Variants in SNAPC1 observed in about 807,000 individuals in gnomAD.
The protein encoded by SNAPC1 is small nuclear RNA activating complex polypeptide 1.
SNAPC1 carries 42 observed loss-of-function variants against 50.1 expected under a neutral mutation model. The observed-to-expected ratio is 0.84, with a 90% CI of 0.65 to 1.08. The LOEUF is 1.08. Ranked by LOEUF, SNAPC1 falls within the 50% of genes least tolerant of loss-of-function variation. The pLI, the probability that SNAPC1 is intolerant of heterozygous loss-of-function variation, is 0.00. For missense variants in SNAPC1, 477 were observed against 427.3 expected (o/e 1.12, Z -1.02); for synonymous variants, 164 against 144.2 (o/e 1.14, Z -0.98).
chr14:61,769,260 A>G (rs2044970454), intron 4 of SNAPC1, among the ~76,000 whole-genome samples: 1 of 151,626 alleles, frequency 6.6e-6, no homozygotes, highest in African/African-American at 2.4e-5. Context: ...GGGGAGGCTG[A>G]GGCTGGAGAA....
At chr14:61,789,585 T>G (rs1451046716) in intron 8 of SNAPC1, among the ~76,000 whole-genome samples, 1 of 152,030 alleles carries the variant, frequency 6.6e-6, no homozygotes, top group African/African-American at 2.4e-5. Flanking sequence ...GTAAACATAA[T>G]TTCATAGACT....
rs532538508 is a variant in SNAPC1 at position 61,793,160 on chromosome 14, C to T, written c.1072+258C>T. ...CTTTGTAGAGATGTCTCTGTCAGAC[C>T]TCTGACCTGCTTTCATCTGGACAGT... On this transcript the variant is annotated intron_variant, in intron 9 of 9. Coordinates refer to ENST00000216294, the MANE Select transcript of SNAPC1 (RefSeq NM_003082.4). Among the ~76,000 whole-genome samples the T allele has an allele frequency of 1.5e-4, 23 of 152,294 alleles. No individual in the cohort carries two copies. In the East Asian group the frequency reaches 4.4e-3, roughly 29 times the overall value.
rs371774333 is a variant in SNAPC1 at position 61,767,149 on chromosome 14, TTATAA to T, written c.289-59_289-55del. 300 of 1,231,408 alleles carry T rather than the reference TTATAA, an allele frequency of 2.4e-4. 1 individual carries two copies. In the African/African-American group the frequency reaches 3.2e-3, roughly 13 times the overall value. 76.3% of individuals were successfully genotyped at this position (1,231,408 alleles called of 1,614,324 possible). On this transcript the variant is annotated intron_variant, in intron 2 of 9. Coordinates refer to ENST00000216294, the MANE Select transcript of SNAPC1 (RefSeq NM_003082.4). Reference sequence around the variant, plus strand: ...TAAATAAAATGCCAGTATTTTAAAATTATAATATGTTTGTGAAAAAATATTTACAT... The same window carrying T: ...TAAATAAAATGCCAGTATTTTAAAATTATGTTTGTGAAAAAATATTTACAT...
intron 4 of SNAPC1, among the ~76,000 whole-genome samples, chr14:61,775,230 G>A (rs1447225308): frequency 1.3e-5 from 2 of 151,916 alleles, no homozygotes; most frequent in Non-Finnish European, 2.9e-5. Flanking sequence ...CACAAATGGT[G>A]TCATAAATCA....
chr14:61,765,382 T>C (rs2044939469), intron 1 of SNAPC1, among the ~76,000 whole-genome samples: 1 of 152,188 alleles, frequency 6.6e-6, no homozygotes, highest in African/African-American at 2.4e-5. Flanking sequence ...CGTGTTGACA[T>C]GCGCCCAAGG....
chr14:61,767,242 G>C lies in SNAPC1; in HGVS notation c.319G>C (p.Val107Leu). ...AGTTGCCCTGAAGGATTGGGATGAAGTTTTAAAATTTCAGCAAGATTTAGT... is the reference window on the plus strand; with the variant it reads ...AGTTGCCCTGAAGGATTGGGATGAACTTTTAAAATTTCAGCAAGATTTAGT... Reference protein sequence around the residue: ...IRVALKDWDEVLKFQQDLVNA... With the variant: ...IRVALKDWDELLKFQQDLVNA... The change falls in exon 3 of 10, where the codon GTT (valine) becomes CTT (leucine). Residue 107 changes from valine (V) to leucine (L), a missense_variant. Val to Leu is a conservative substitution (Grantham distance 32). Coordinates refer to ENST00000216294, the MANE Select transcript of SNAPC1 (RefSeq NM_003082.4). The C allele has an allele frequency of 6.6e-7, 1 of 1,512,746 alleles. No homozygotes were observed. Among genetic ancestry groups the C allele is most frequent in the Non-Finnish European group, 8.9e-7 (1 of 1,129,410 alleles). The allele number at this position is 1,512,746 out of a possible 1,614,324, so 93.7% of individuals were successfully genotyped here.
rs2044952653 is a variant in SNAPC1 at position 61,766,958 on chromosome 14, A to G, written c.211A>G (p.Thr71Ala). Reference sequence around the variant, plus strand: ...TTGGCGATATTTTTTACCTCCATACACCTTCCAGATCAGAGTTGGTGCTTT... The same window carrying G: ...TTGGCGATATTTTTTACCTCCATACGCCTTCCAGATCAGAGTTGGTGCTTT... ...LAWRYFLPPY[T>A]FQIRVGALYL... Residue 71 changes from threonine to alanine, a missense_variant, in exon 2 of 10, where the codon ACC becomes GCC. Transcript: ENST00000216294. 5 of 1,610,116 alleles carry G rather than the reference A, an allele frequency of 3.1e-6. No individual in the cohort carries two copies. Among genetic ancestry groups the G allele is most frequent in the Middle Eastern group, 3.3e-4 (2 of 6,050 alleles).
In SNAPC1 at chr14:61,796,292, C is replaced by T. The variant is rs1566595957; in HGVS notation, c.*1309C>T. On this transcript the variant is annotated 3_prime_UTR_variant, in exon 10 of 10. Coordinates refer to ENST00000216294, the MANE Select transcript of SNAPC1 (RefSeq NM_003082.4). The stretch of plus-strand genomic sequence containing the variant: ...CGAGATCGTGCCACTGCACTCCAGC[C>T]TGGGCAACAGAGTGAGACTTCGTCT... The T allele has an allele frequency of 6.6e-6, 1 of 150,972 alleles. No homozygotes were observed. Among genetic ancestry groups the T allele is most frequent in the Non-Finnish European group, 1.5e-5 (1 of 67,980 alleles). 9.4% of individuals were successfully genotyped at this position (150,972 alleles called of 1,614,324 possible). A position where few individuals can be genotyped will look rare whatever the true frequency, so the allele number is the denominator to read the frequency against.
chr14:61,787,324 AAG>A (rs2045121557), intron 8 of SNAPC1, among the ~76,000 whole-genome samples: 1 of 152,266 alleles, frequency 6.6e-6, no homozygotes, highest in African/African-American at 2.4e-5. Flanking sequence ...CACGAACAAA[AAG>A]AGAGGACATA....
At chr14:61,774,165 C>T (rs1340189293) in intron 4 of SNAPC1, among the ~76,000 whole-genome samples, 4 of 136,404 alleles carry the variant, frequency 2.9e-5, no homozygotes, top group Admixed American at 7.4e-5. Flanking sequence ...TTTTCTTCTT[C>T]TTTTTTTTTT....
In SNAPC1 at chr14:61,795,514, T is replaced by G. The variant is rs944863131; in HGVS notation, c.*531T>G. 2 of 101,160 alleles carry G rather than the reference T, an allele frequency of 2.0e-5. No homozygotes were observed. Among genetic ancestry groups the G allele is most frequent in the African/African-American group, 8.9e-5 (2 of 22,464 alleles). The allele number at this position is 101,160 out of a possible 1,614,324, so 6.3% of individuals were successfully genotyped here. A position where few individuals can be genotyped will look rare whatever the true frequency, so the allele number is the denominator to read the frequency against. ...ACATTCTCATAACGTGATTGATAAC[T>G]TAGGAAGTTCACAATGTATTTTCTA... On this transcript the variant is annotated 3_prime_UTR_variant, in exon 10 of 10. Coordinates refer to ENST00000216294, the MANE Select transcript of SNAPC1 (RefSeq NM_003082.4).
intron 4 of SNAPC1, among the ~76,000 whole-genome samples, chr14:61,773,476 G>T (rs1291731121): frequency 7.1e-6 from 1 of 140,822 alleles, no homozygotes; most frequent in Non-Finnish European, 1.5e-5. Context: ...CTCACTGCAA[G>T]CTCTGCTTCC....
chr14:61,795,673 A>G lies in SNAPC1; in HGVS notation c.*690A>G, dbSNP rs1465162721. 4 of 151,964 alleles carry G rather than the reference A, an allele frequency of 2.6e-5. No homozygotes were observed. Among genetic ancestry groups the G allele is most frequent in the African/African-American group, 7.2e-5 (3 of 41,388 alleles). 9.4% of individuals were successfully genotyped at this position (151,964 alleles called of 1,614,324 possible). A position where few individuals can be genotyped will look rare whatever the true frequency, so the allele number is the denominator to read the frequency against. On this transcript the variant is annotated 3_prime_UTR_variant, in exon 10 of 10. Transcript: ENST00000216294. The stretch of plus-strand genomic sequence containing the variant: ...AAAATCTTTAACAATAATAATGTAA[A>G]TTTCAGAATGTGTCTCTGGTACAGA...
intron 4 of SNAPC1, among the ~76,000 whole-genome samples, chr14:61,775,560 C>G (rs1243554025): frequency 1.3e-5 from 2 of 152,062 alleles, no homozygotes; most frequent in African/African-American, 4.8e-5. Flanking sequence ...GGCCTACCCT[C>G]TATATCTTTA....
chr14:61,777,614 T>A (rs967779513), intron 5 of SNAPC1, among the ~76,000 whole-genome samples: 3 of 142,632 alleles, frequency 2.1e-5, no homozygotes, highest in Admixed American at 6.8e-5. Context: ...AGTTTTAATT[T>A]TTTTTTTTTT....
At chr14:61,778,189 C>T (rs773176533) in intron 6 of SNAPC1, 49 bp downstream of exon 6, 3 of 1,083,306 alleles carry the variant, frequency 2.8e-6, no homozygotes, top group Middle Eastern at 2.0e-4. Flanking sequence ...ATTCTGTATA[C>T]TGAGCATTGT....
intron 8 of SNAPC1, among the ~76,000 whole-genome samples, chr14:61,782,885 G>A (rs1318731204): frequency 6.6e-6 from 1 of 151,974 alleles, no homozygotes; most frequent in Admixed American, 6.6e-5. Context: ...CAGCATAGGT[G>A]ACAGAGCAAG....
chr14:61,783,502 C>G (rs184917714), intron 8 of SNAPC1, among the ~76,000 whole-genome samples: 1 of 139,588 alleles, frequency 7.2e-6, no homozygotes, highest in Admixed American at 7.2e-5. Flanking sequence ...AAATTACTTT[C>G]GTATATATTT....
intron 8 of SNAPC1, among the ~76,000 whole-genome samples, chr14:61,790,367 G>GCT (rs1279133473): frequency 6.6e-6 from 1 of 152,076 alleles, no homozygotes; most frequent in Non-Finnish European, 1.5e-5. Context: ...ATGGAGTGTT[G>GCT]CTCTGTCACC....
Sources: gnomAD v4.1 joint callset for allele counts (sites outside exome capture counted in the v4.1 genomes callset) on GRCh38, gnomAD v4.1.1 for gene constraint, MANE v1.5 for transcripts, NCBI Gene and HGNC (gene_info 2026-07-23, HGNC 2026-07-21) for gene names.